The following GBE1 variants were observed in gnomAD, a reference collection of about 807,000 sequenced individuals.
GBE1 encodes the protein 1,4-alpha-glucan branching enzyme 1.
Under a neutral mutation model 88.8 loss-of-function variants are expected in GBE1, and 70 were observed. The ratio of observed to expected loss-of-function variants is 0.79; its 90% confidence interval spans 0.65 to 0.96. The LOEUF (loss-of-function observed/expected upper bound fraction) is 0.96. Ranked by LOEUF, GBE1 falls within the 40% of genes least tolerant of loss-of-function variation. GBE1 has a pLI of 0.00. For synonymous variants in GBE1, 284 were observed against 300.1 expected, an observed-to-expected ratio of 0.95 and a Z score of 0.56; for missense variants, 872 against 871.0, an observed-to-expected ratio of 1.00 and a Z score of -0.01.
chr3:81,731,658 A>C (rs1706187903), intron 1 of GBE1, among the ~76,000 whole-genome samples: 1 of 152,110 alleles, frequency 6.6e-6, no homozygotes, highest in South Asian at 2.1e-4. Flanking sequence ...TCCTGGTCTC[A>C]TGATAGTGAG....
At chr3:81,679,371 A>T (rs1441748132) in intron 2 of GBE1, among the ~76,000 whole-genome samples, 6 of 152,194 alleles carry the variant, frequency 3.9e-5, no homozygotes, top group Non-Finnish European at 8.8e-5. Flanking sequence ...TCAACCACCC[A>T]TAACCTCATC....
intron 12 of GBE1, among the ~76,000 whole-genome samples, chr3:81,541,547 G>T (rs918518763): frequency 1.3e-4 from 19 of 151,680 alleles, no homozygotes; most frequent in African/African-American, 2.4e-5. Context: ...ATTAGTTCAG[G>T]AGGGTTGAGC....
chr3:81,594,043 T>C lies in GBE1; in HGVS notation c.993-20A>G, dbSNP rs534036934. ...TCCCAGCTAAAATATAAGAGAAATA[T>C]GTATTTAAGCAAAATGTGAAGAGCA... On this transcript the variant is annotated intron_variant, in intron 7 of 15. Transcript: ENST00000429644. The C allele has an allele frequency of 1.5e-5, 18 of 1,198,084 alleles. No homozygotes were observed. The Admixed American group carries it at 3.5e-4, about 23-fold the overall frequency. The allele number at this position is 1,198,084 out of a possible 1,614,324, so 74.2% of individuals were successfully genotyped here. A position where few individuals can be genotyped will look rare whatever the true frequency, so the allele number is the denominator to read the frequency against.
chr3:81,600,921 C>T (rs923779508), intron 7 of GBE1, among the ~76,000 whole-genome samples: 4 of 151,696 alleles, frequency 2.6e-5, no homozygotes, highest in African/African-American at 9.7e-5. Flanking sequence ...CACATGCATG[C>T]GTGTGTGTGT....
chr3:81,565,519 CACTT>C (rs1176628680), intron 12 of GBE1, among the ~76,000 whole-genome samples: 1 of 152,180 alleles, frequency 6.6e-6, no homozygotes, highest in Non-Finnish European at 1.5e-5. Flanking sequence ...TGCAGACTGA[CACTT>C]AGGACAAAAT....
At chr3:81,514,809 C>T (rs528721353) in intron 14 of GBE1, among the ~76,000 whole-genome samples, 6 of 151,500 alleles carry the variant, frequency 4.0e-5, no homozygotes, top group South Asian at 2.1e-4. Flanking sequence ...AAGAGCTTCA[C>T]GGAAAATGTC....
Position 81,490,353 on chromosome 3 carries a change from T to A in GBE1, c.*54A>T. 7.2e-7 allele frequency: 1 copy of A among 1,396,584 alleles called. No individual in the cohort carries two copies. The highest frequency in any genetic ancestry group is 2.3e-5 in the East Asian group (1 of 43,860). 86.5% of individuals were successfully genotyped at this position (1,396,584 alleles called of 1,614,324 possible). ...CATGTTATAAGCTGTGTGACAGTGATAACAAGAAAACAAAACACAAATCTG... is the reference window on the plus strand; with the variant it reads ...CATGTTATAAGCTGTGTGACAGTGAAAACAAGAAAACAAAACACAAATCTG... On this transcript the variant is annotated 3_prime_UTR_variant, in exon 16 of 16. Coordinates refer to ENST00000429644, the MANE Select transcript of GBE1 (RefSeq NM_000158.4).
chr3:81,750,576 C>CAT (rs1706491737), intron 1 of GBE1, among the ~76,000 whole-genome samples: 4 of 46,062 alleles, frequency 8.7e-5, no homozygotes, highest in South Asian at 1.1e-3. Flanking sequence ...TATATATATA[C>CAT]GTATATATAT....
intron 7 of GBE1, among the ~76,000 whole-genome samples, chr3:81,628,074 A>T (rs1704444254): frequency 6.6e-6 from 1 of 152,136 alleles, no homozygotes; most frequent in Non-Finnish European, 1.5e-5. Flanking sequence ...TGCCCACTCC[A>T]AATTAGAGAC....
chr3:81,723,671 A>G (rs1482498045), intron 1 of GBE1, among the ~76,000 whole-genome samples: 1 of 152,166 alleles, frequency 6.6e-6, no homozygotes, highest in African/African-American at 2.4e-5. Context: ...CCACGCTCAC[A>G]AACAATAAAT....
intron 13 of GBE1, among the ~76,000 whole-genome samples, chr3:81,536,235 C>A (rs377720934): frequency 1.3e-5 from 2 of 151,386 alleles, no homozygotes; most frequent in South Asian, 2.1e-4. Context: ...ATCATAGACA[C>A]CAAAGTAAAA....
intron 1 of GBE1, among the ~76,000 whole-genome samples, chr3:81,731,687 G>A (rs1706188394): frequency 6.6e-6 from 1 of 152,030 alleles, no homozygotes; most frequent in African/African-American, 2.4e-5. Context: ...AGATCTGGTT[G>A]TTTTAAAAGT....
intron 12 of GBE1, among the ~76,000 whole-genome samples, chr3:81,541,127 T>C (rs947211195): frequency 1.3e-5 from 2 of 151,996 alleles, no homozygotes; most frequent in South Asian, 2.1e-4. Flanking sequence ...TCATTTTCAC[T>C]GTATAGTTTT....
At chr3:81,570,574 C>T (rs952640288) in intron 12 of GBE1, among the ~76,000 whole-genome samples, 6 of 152,174 alleles carry the variant, frequency 3.9e-5, no homozygotes, top group African/African-American at 1.4e-4. Context: ...CTACTTTTTA[C>T]TTCCTGTGTA....
At chr3:81,619,364 G>C (rs1024099499) in intron 7 of GBE1, among the ~76,000 whole-genome samples, 1 of 151,984 alleles carries the variant, frequency 6.6e-6, no homozygotes, top group African/African-American at 2.4e-5. Flanking sequence ...TGGTTTTATG[G>C]TCTTCTGCTA....
chr3:81,687,993 G>A (rs773912302), intron 2 of GBE1, among the ~76,000 whole-genome samples: 5 of 152,156 alleles, frequency 3.3e-5, no homozygotes, highest in Non-Finnish European at 7.4e-5. Context: ...CTCACCAGCA[G>A]CTTCATTCCA....
chr3:81,593,073 T>C (rs1451632613), intron 8 of GBE1, among the ~76,000 whole-genome samples: 2 of 151,962 alleles, frequency 1.3e-5, no homozygotes, highest in African/African-American at 4.8e-5. Flanking sequence ...TAAAAAATAA[T>C]AATAATTGGC....
rs1340286623 is a variant in GBE1 at position 81,761,610 on chromosome 3, G to A, written c.-93C>T. 4.8e-6 allele frequency: 7 copies of A among 1,465,282 alleles called. No homozygotes were observed. Among genetic ancestry groups the A allele is most frequent in the Non-Finnish European group, 6.4e-6 (7 of 1,097,696 alleles). 90.8% of individuals were successfully genotyped at this position (1,465,282 alleles called of 1,614,324 possible). Reference sequence around the variant, plus strand: ...TAGCTGGGACGCGGCGGCTAGGGCGGAGCCGGAGGGCGCCTAGGCGTGTCG... The same window carrying A: ...TAGCTGGGACGCGGCGGCTAGGGCGAAGCCGGAGGGCGCCTAGGCGTGTCG... On this transcript the variant is annotated 5_prime_UTR_variant, in exon 1 of 16. Coordinates refer to ENST00000429644, the MANE Select transcript of GBE1 (RefSeq NM_000158.4).
chr3:81,655,557 C>A (rs1704923813), intron 3 of GBE1, among the ~76,000 whole-genome samples: 1 of 151,982 alleles, frequency 6.6e-6, no homozygotes, highest in Non-Finnish European at 1.5e-5. Flanking sequence ...ACTCTTGTCG[C>A]CCAGGCTAGA....
Sources: allele counts gnomAD v4.1 joint callset (sites outside exome capture counted in the v4.1 genomes callset), GRCh38; gene constraint gnomAD v4.1.1; transcripts MANE v1.5; gene names NCBI Gene and HGNC (gene_info 2026-07-23, HGNC 2026-07-21).